Variants in JOSD1 observed in about 807,000 individuals in gnomAD.
The protein encoded by JOSD1 is Josephin domain containing 1, also known as josephin-1.
JOSD1 carries 11 observed loss-of-function variants against 24.3 expected under a neutral mutation model. That is an observed-to-expected ratio of 0.45 (90% CI 0.29 to 0.75). The LOEUF (loss-of-function observed/expected upper bound fraction) is 0.75, where lower values mean the gene tolerates loss of function less well. JOSD1 is among the 30% of genes least tolerant of loss of function. The pLI is 0.11. For missense variants in JOSD1, 184 were observed against 253.5 expected (o/e 0.73, Z 1.86); for synonymous variants, 106 against 93.8 (o/e 1.13, Z -0.75).
intron 4 of JOSD1, among the ~76,000 whole-genome samples, chr22:38,688,268 T>G (rs1174063265): frequency 1.3e-5 from 2 of 152,184 alleles, no homozygotes; most frequent in Non-Finnish European, 2.9e-5. Context: ...GGACTTTTTC[T>G]TGGTTTGTTT....
In JOSD1 at chr22:38,685,643, T is replaced by G. The variant is rs549619050; in HGVS notation, c.*2259A>C. 1 of 152,750 alleles carries G rather than the reference T, an allele frequency of 6.5e-6. No homozygotes were observed. The highest frequency in any genetic ancestry group is 2.1e-4 in the South Asian group (1 of 4,822). The allele number at this position is 152,750 out of a possible 1,614,324, so 9.5% of individuals were successfully genotyped here. On this transcript the variant is annotated 3_prime_UTR_variant, in exon 5 of 5. Transcript: ENST00000683374. ...ATATGGAGTTTTCCATTTTTAATAT[T>G]TGGTTAAACAAAATACATCTTTTGT...
rs1024124139 is a variant in JOSD1 at position 38,699,714 on chromosome 22, C to T, written c.185+89G>A. 12 of 1,256,934 alleles carry T rather than the reference C, an allele frequency of 9.5e-6. No individual in the cohort carries two copies. In the African/African-American group the frequency reaches 1.5e-4, roughly 16 times the overall value. 77.9% of individuals were successfully genotyped at this position (1,256,934 alleles called of 1,614,324 possible). On this transcript the variant is annotated intron_variant, in intron 2 of 4. Coordinates refer to ENST00000683374, the MANE Select transcript of JOSD1 (RefSeq NM_001360236.2). ...AACGCAATCTAGCTAATACCTACAG[C>T]TTTGAAGGTTTATGAAGCTGAGACA...
At chr22:38,688,849 T>C in intron 4 of JOSD1, 86 bp downstream of exon 4, 7 of 1,246,882 alleles carry the variant, frequency 5.6e-6, no homozygotes, top group Non-Finnish European at 7.9e-6. Flanking sequence ...TTCATTTCCT[T>C]TGTCAAATAA....
intron 2 of JOSD1, among the ~76,000 whole-genome samples, chr22:38,691,281 C>T (rs571867169): frequency 6.6e-6 from 1 of 151,440 alleles, no homozygotes; most frequent in Non-Finnish European, 1.5e-5. Context: ...GGGAAGATCA[C>T]CTGAGCCAGG....
At chr22:38,701,008 A>G, upstream of JOSD1, 3 of 982,346 alleles carry the variant, frequency 3.1e-6, no homozygotes, top group Non-Finnish European at 3.6e-6. Context: ...CGTGCTCCGG[A>G]AACGCCCTCC....
Position 38,687,135 on chromosome 22 carries a change from C to T in JOSD1, c.*767G>A, listed in dbSNP as rs910572997. On this transcript the variant is annotated 3_prime_UTR_variant, in exon 5 of 5. Coordinates refer to ENST00000683374, the MANE Select transcript of JOSD1 (RefSeq NM_001360236.2). ...GGGAGTTTGAGACCAGCCTGACCAA[C>T]ATGGAGAAACCCCATCTCTACTAAA... 1.3e-5 allele frequency: 2 copies of T among 152,232 alleles called. No individual in the cohort carries two copies. Among genetic ancestry groups the T allele is most frequent in the Non-Finnish European group, 2.9e-5 (2 of 68,076 alleles). The allele number at this position is 152,232 out of a possible 1,614,324, so 9.4% of individuals were successfully genotyped here.
chr22:38,687,098 T>A lies in JOSD1; in HGVS notation c.*804A>T, dbSNP rs908252800. ...ACTTTGGGAGGCCAAGGCGGGCAGA[T>A]CACTTGAGGTCGGGAGTTTGAGACC... On this transcript the variant is annotated 3_prime_UTR_variant, in exon 5 of 5. Transcript: ENST00000683374. 2 of 152,380 alleles carry A rather than the reference T, an allele frequency of 1.3e-5. No homozygotes were observed. The highest frequency in any genetic ancestry group is 2.9e-5 in the Non-Finnish European group (2 of 68,078). 9.4% of individuals were successfully genotyped at this position (152,380 alleles called of 1,614,324 possible).
At chr22:38,694,423 T>C (rs571584538) in intron 2 of JOSD1, among the ~76,000 whole-genome samples, 1 of 152,320 alleles carries the variant, frequency 6.6e-6, no homozygotes, top group East Asian at 1.9e-4. Flanking sequence ...ATGATTCCAG[T>C]GGAAAGTATT....
intron 2 of JOSD1, among the ~76,000 whole-genome samples, chr22:38,690,820 A>G (rs1197387582): frequency 6.6e-6 from 1 of 152,044 alleles, no homozygotes; most frequent in African/African-American, 2.4e-5. Flanking sequence ...CAGGAGTTCA[A>G]GACCAGCCTG....
intron 2 of JOSD1, among the ~76,000 whole-genome samples, chr22:38,690,195 C>T (rs2145805946): frequency 6.6e-6 from 1 of 152,132 alleles, no homozygotes; most frequent in Non-Finnish European, 1.5e-5. Flanking sequence ...AGGAAGGGTT[C>T]AAGGGGCATA....
At position 38,686,716 on chromosome 22, in the gene JOSD1, G is replaced by A. The variant is rs2092499637; in HGVS notation, c.*1186C>T. On this transcript the variant is annotated 3_prime_UTR_variant, in exon 5 of 5. Coordinates refer to ENST00000683374, the MANE Select transcript of JOSD1 (RefSeq NM_001360236.2). Reference sequence around the variant, plus strand: ...AGCCTCCGAGCCTAGAGTGTCTACTGAATTGTGGCTGCCCCTACTCCAAGA... The same window carrying A: ...AGCCTCCGAGCCTAGAGTGTCTACTAAATTGTGGCTGCCCCTACTCCAAGA... The A allele has an allele frequency of 6.6e-6, 1 of 152,196 alleles. No homozygotes were observed. The highest frequency in any genetic ancestry group is 2.1e-4 in the South Asian group (1 of 4,828). 9.4% of individuals were successfully genotyped at this position (152,196 alleles called of 1,614,324 possible). A position where few individuals can be genotyped will look rare whatever the true frequency, so the allele number is the denominator to read the frequency against.
chr22:38,690,217 C>T (rs1220418149), intron 2 of JOSD1, among the ~76,000 whole-genome samples: 4 of 151,960 alleles, frequency 2.6e-5, no homozygotes, highest in Non-Finnish European at 5.9e-5. Context: ...CTTTGGGCTT[C>T]GTGTGAAGGG....
intron 2 of JOSD1, among the ~76,000 whole-genome samples, chr22:38,694,885 A>G (rs999413299): frequency 4.9e-5 from 7 of 143,266 alleles, no homozygotes; most frequent in South Asian, 4.4e-4. Flanking sequence ...AAAAAAAAAA[A>G]GTGAAAAGAC....
Position 38,689,305 on chromosome 22 carries a change from T to TCCCACCAA in JOSD1, c.297_304dup (p.Asp102ValfsTer22). 1 of 1,614,254 alleles carries TCCCACCAA rather than the reference T, an allele frequency of 6.2e-7. No individual in the cohort carries two copies. Among genetic ancestry groups the TCCCACCAA allele is most frequent in the Non-Finnish European group, 8.5e-7 (1 of 1,180,040 alleles). ...GCCTGATTCAGATTACCTGCGCTTG[T>TCCCACCAA]CCCACCAAACAGCTTCATAGCCTTT... is the stretch of plus-strand genomic sequence containing the variant. On this transcript the variant is annotated frameshift_variant, in exon 3 of 5. Transcript: ENST00000683374. LOFTEE classifies it high-confidence loss of function.
chr22:38,687,868 G>C lies in JOSD1; in HGVS notation c.*34C>G. 1 of 1,435,514 alleles carries C rather than the reference G, an allele frequency of 7.0e-7. No homozygotes were observed. The highest frequency in any genetic ancestry group is 9.8e-7 in the Non-Finnish European group (1 of 1,017,342). The allele number at this position is 1,435,514 out of a possible 1,614,324, so 88.9% of individuals were successfully genotyped here. ...CCACAGCACGTCACAGAGGACTGAA[G>C]GGGCTGAGGCGAGAGGGAGGTTGGG... On this transcript the variant is annotated 3_prime_UTR_variant, in exon 5 of 5. Transcript: ENST00000683374.
In JOSD1 at chr22:38,688,964, G is replaced by A. The variant is rs781006487; in HGVS notation, c.480C>T (p.Pro160=). Residue 160 remains proline (P), a synonymous_variant, in exon 4 of 5, where the codon CCC becomes CCT. Transcript: ENST00000683374. Reference sequence around the variant, plus strand: ...GCTCGCTCTCGCCTCCAATCCACTCGGGCATCTTGAGTTTGGAGTCGAGGT... The same window carrying A: ...GCTCGCTCTCGCCTCCAATCCACTCAGGCATCTTGAGTTTGGAGTCGAGGT... ...YYNLDSKLKM[P]EWIGGESELR... is the part of the protein sequence containing the mutation. 9 of 1,613,892 alleles carry A rather than the reference G, an allele frequency of 5.6e-6. No individual in the cohort carries two copies. The highest frequency in any genetic ancestry group is 1.6e-4 in the Middle Eastern group (1 of 6,062).
At chr22:38,701,065 G>C (rs2092568469), upstream of JOSD1, 1 of 841,772 alleles carries the variant, frequency 1.2e-6, no homozygotes, top group African/African-American at 1.8e-5. Flanking sequence ...CCTGACGTAA[G>C]TCTGACGTCA....
At chr22:38,689,627 C>T (rs1478000706) in intron 2 of JOSD1, among the ~76,000 whole-genome samples, 2 of 151,972 alleles carry the variant, frequency 1.3e-5, no homozygotes, top group African/African-American at 4.8e-5. Flanking sequence ...CAGCCTCCTG[C>T]AGCCTTTCTG....
At chr22:38,688,557 C>T (rs1165670670) in intron 4 of JOSD1, among the ~76,000 whole-genome samples, 1 of 152,232 alleles carries the variant, frequency 6.6e-6, no homozygotes, top group Non-Finnish European at 1.5e-5. Context: ...GCAATCGCCT[C>T]TAAAGAACTT....
Sources: gnomAD v4.1 joint callset for allele counts (sites outside exome capture counted in the v4.1 genomes callset) on GRCh38, gnomAD v4.1.1 for gene constraint, MANE v1.5 for transcripts, NCBI Gene and HGNC (gene_info 2026-07-23, HGNC 2026-07-21) for gene names.